The following CSMD1 variants were observed in gnomAD, a reference collection of about 807,000 sequenced individuals.
The protein encoded by CSMD1 is CUB and Sushi multiple domains 1.
Under a neutral mutation model 417.5 loss-of-function variants are expected in CSMD1, and 213 were observed. That is an observed-to-expected ratio of 0.51 (90% CI 0.46 to 0.57). CSMD1 has a LOEUF of 0.57. CSMD1 is among the 20% of genes least tolerant of loss of function. CSMD1 has a pLI of 0.00. For missense variants in CSMD1, 6,923 were observed against 4,529.7 expected, an observed-to-expected ratio of 1.53 and a Z score of -15.17; for synonymous variants, 2,862 against 1,736.8, an observed-to-expected ratio of 1.65 and a Z score of -16.11.
At chr8:4,299,659 G>T (rs1018154023) in intron 3 of CSMD1, among the ~76,000 whole-genome samples, 1 of 152,008 alleles carries the variant, frequency 6.6e-6, no homozygotes, top group Non-Finnish European at 1.5e-5. Context: ...CTTTGAGATG[G>T]AGTCTCATTC....
intron 2 of CSMD1, among the ~76,000 whole-genome samples, chr8:4,508,910 G>T (rs1179323182): frequency 6.6e-6 from 1 of 152,050 alleles, no homozygotes; most frequent in Non-Finnish European, 1.5e-5. Context: ...TAAATAGGAT[G>T]GTGCACAGGG....
chr8:3,848,482 A>G (rs1206735447), intron 5 of CSMD1, among the ~76,000 whole-genome samples: 1 of 147,904 alleles, frequency 6.8e-6, no homozygotes, highest in African/African-American at 2.5e-5. Context: ...CAGTTAATTG[A>G]TCTGGATTTA....
At chr8:4,623,939 T>C (rs908621992) in intron 2 of CSMD1, among the ~76,000 whole-genome samples, 3 of 152,106 alleles carry the variant, frequency 2.0e-5, no homozygotes, top group Non-Finnish European at 2.9e-5. Context: ...CGGTTGTATA[T>C]AAATCTCATC....
At chr8:3,666,262 AG>A (rs1302845989) in intron 7 of CSMD1, among the ~76,000 whole-genome samples, 2 of 147,222 alleles carry the variant, frequency 1.4e-5, no homozygotes, top group Non-Finnish European at 3.1e-5. Flanking sequence ...TATTCCTCAC[AG>A]GTCTTATCTT....
chr8:4,037,886 G>C (rs1248251232), intron 3 of CSMD1, among the ~76,000 whole-genome samples: 1 of 151,928 alleles, frequency 6.6e-6, no homozygotes, highest in Non-Finnish European at 1.5e-5. Flanking sequence ...TACAATAACT[G>C]AAATTCACGT....
intron 41 of CSMD1, among the ~76,000 whole-genome samples, chr8:3,129,952 G>A (rs560574104): frequency 2.3e-3 from 345 of 152,082 alleles, no homozygotes; most frequent in African/African-American, 8.1e-3. Flanking sequence ...CTGCACTCCA[G>A]CCTAAATAAC....
At chr8:4,845,204 T>G (rs1171877075) in intron 1 of CSMD1, among the ~76,000 whole-genome samples, 1 of 152,230 alleles carries the variant, frequency 6.6e-6, no homozygotes, top group Admixed American at 6.5e-5. Flanking sequence ...ACAAATATTT[T>G]TAACTACATA....
At chr8:3,472,906 G>T (rs769565186) in intron 11 of CSMD1, among the ~76,000 whole-genome samples, 3 of 151,418 alleles carry the variant, frequency 2.0e-5, no homozygotes, top group Non-Finnish European at 4.4e-5. Context: ...TATTTTCCTC[G>T]TACTTCTTTG....
intron 3 of CSMD1, among the ~76,000 whole-genome samples, chr8:4,377,581 C>G (rs1437796760): frequency 6.6e-6 from 1 of 152,054 alleles, no homozygotes; most frequent in Non-Finnish European, 1.5e-5. Flanking sequence ...GCGAAGAAGC[C>G]AAGTAAATTC....
chr8:3,735,799 C>A (rs185721376), intron 6 of CSMD1, among the ~76,000 whole-genome samples: 41 of 152,266 alleles, frequency 2.7e-4, no homozygotes, highest in Non-Finnish European at 2.9e-5. Flanking sequence ...GCTAATCTGG[C>A]CAATTACACT....
rs1299458054 is a variant in CSMD1 at position 2,935,613 on chromosome 8, T to G, written c.*2972A>C. On this transcript the variant is annotated 3_prime_UTR_variant, in exon 70 of 70. Transcript: ENST00000635120. ...TTATTTTTTAACAATGTACCTACAT[T>G]AATCAAAAAATTACAGCATATTTAA... 1.3e-5 allele frequency: 2 copies of G among 152,180 alleles called. No homozygotes were observed. Among genetic ancestry groups the G allele is most frequent in the African/African-American group, 2.4e-5 (1 of 41,438 alleles). The allele number at this position is 152,180 out of a possible 1,614,324, so 9.4% of individuals were successfully genotyped here.
chr8:4,094,246 CTGTT>C (rs531030326), intron 3 of CSMD1, among the ~76,000 whole-genome samples: 17 of 152,122 alleles, frequency 1.1e-4, no homozygotes, highest in African/African-American at 2.2e-4. Context: ...GACAAGTTGA[CTGTT>C]TGTAAATCAG....
rs533056341 is a variant in CSMD1, at chr8:3,478,781, G to C, written c.1449-9957C>G. Among the ~76,000 whole-genome samples, 56 of 152,266 alleles carry C rather than the reference G, an allele frequency of 3.7e-4. 1 individual carries two copies. The highest frequency in any genetic ancestry group is 7.1e-4 in the Non-Finnish European group (48 of 68,026). ...ATCCAAGGAAGTCTTCATGTTCCTT[G>C]TGGTCCCAGGGCTGCCTTGTCGAAG... On this transcript the variant is annotated intron_variant, in intron 11 of 69. Coordinates refer to ENST00000635120, the MANE Select transcript of CSMD1 (RefSeq NM_033225.6).
intron 3 of CSMD1, among the ~76,000 whole-genome samples, chr8:4,076,945 C>T (rs767212046): frequency 6.6e-6 from 1 of 152,112 alleles, no homozygotes; most frequent in Non-Finnish European, 1.5e-5. Flanking sequence ...AAATCTTACA[C>T]AAGGATAACA....
chr8:4,871,236 A>G (rs947869455), intron 1 of CSMD1, among the ~76,000 whole-genome samples: 2 of 152,134 alleles, frequency 1.3e-5, no homozygotes, highest in African/African-American at 4.8e-5. Flanking sequence ...GTCCAGAGCT[A>G]GCATGTGGCT....
chr8:4,915,941 G>C (rs76846688), intron 1 of CSMD1, among the ~76,000 whole-genome samples: 3,969 of 152,266 alleles, frequency 0.026, 174 homozygotes, highest in African/African-American at 0.09. Flanking sequence ...ACTGCAAGTG[G>C]CATCTCTTCC....
At chr8:4,006,991 C>G (rs1397544716) in intron 4 of CSMD1, among the ~76,000 whole-genome samples, 1 of 151,856 alleles carries the variant, frequency 6.6e-6, no homozygotes, top group Non-Finnish European at 1.5e-5. Flanking sequence ...CCACACCCGG[C>G]TAATTTTTGT....
intron 21 of CSMD1, among the ~76,000 whole-genome samples, chr8:3,358,849 T>TTC (rs111679777): frequency 6.6e-6 from 1 of 151,466 alleles, no homozygotes; most frequent in Non-Finnish European, 1.5e-5. Flanking sequence ...GCTCCAGATT[T>TTC]TCTCTCTCTC....
chr8:3,258,996 G>A (rs1333050406), intron 26 of CSMD1, among the ~76,000 whole-genome samples: 4 of 152,156 alleles, frequency 2.6e-5, no homozygotes, highest in African/African-American at 9.7e-5. Flanking sequence ...ATGGGTACTA[G>A]GCTTAATAGC....
Sources: gnomAD v4.1 joint callset for allele counts (sites outside exome capture counted in the v4.1 genomes callset) on GRCh38, gnomAD v4.1.1 for gene constraint, MANE v1.5 for transcripts, NCBI Gene and HGNC (gene_info 2026-07-23, HGNC 2026-07-21) for gene names.